IRF2: variants seen among roughly 807,000 people sequenced by gnomAD.
IRF2 encodes interferon regulatory factor 2.
Under a neutral mutation model 40.6 loss-of-function variants are expected in IRF2, and 15 were observed. The observed-to-expected ratio is 0.37, with a 90% CI of 0.25 to 0.57. The LOEUF (loss-of-function observed/expected upper bound fraction) is 0.57. Ranked by LOEUF, IRF2 falls within the 20% of genes least tolerant of loss-of-function variation. The pLI is 0.77. For synonymous variants in IRF2, 151 were observed against 165.5 expected, an observed-to-expected ratio of 0.91 and a Z score of 0.67; for missense variants, 317 against 455.7, an observed-to-expected ratio of 0.70 and a Z score of 2.77.
rs200173412 is a variant in IRF2, at chr4:184,398,958, G to A, written c.651C>T (p.Ser217=). 120 of 1,613,022 alleles carry A rather than the reference G, an allele frequency of 7.4e-5. No homozygotes were observed. In the East Asian group the frequency reaches 2.5e-3, roughly 34 times the overall value. ...GGGAGATCTGCAGAGGGTAGAGCTC[G>A]CTCATGCTGACCGGCTGCTCGTCGC... is the stretch of plus-strand genomic sequence containing the variant. The part of the protein sequence containing the change: ...TESDEQPVSM[S]ELYPLQISPV... Residue 217 remains serine (S), a synonymous_variant, in exon 7 of 9, where the codon AGC becomes AGT. Coordinates refer to ENST00000393593, the MANE Select transcript of IRF2 (RefSeq NM_002199.4).
intron 7 of IRF2, among the ~76,000 whole-genome samples, chr4:184,394,346 G>A (rs907836940): frequency 6.6e-6 from 1 of 152,180 alleles, no homozygotes; most frequent in African/African-American, 2.4e-5. Context: ...TATTGTCTAA[G>A]CAGGAACACT....
At chr4:184,469,292 TATA>T (rs1376287090) in intron 1 of IRF2, among the ~76,000 whole-genome samples, 1 of 152,138 alleles carries the variant, frequency 6.6e-6, no homozygotes, top group Non-Finnish European at 1.5e-5. Flanking sequence ...TACCTTTGGC[TATA>T]ATGAGTTCAG....
chr4:184,422,350 C>A (rs1490591145), intron 2 of IRF2, among the ~76,000 whole-genome samples: 1 of 152,198 alleles, frequency 6.6e-6, no homozygotes, highest in Non-Finnish European at 1.5e-5. Context: ...CAAAATGGTA[C>A]AGCCACTCTG....
Position 184,388,792 on chromosome 4 carries a change from G to A in IRF2, c.1016C>T (p.Ser339Leu), listed in dbSNP as rs2149889215. 1 of 1,613,332 alleles carries A rather than the reference G, an allele frequency of 6.2e-7. No individual in the cohort carries two copies. The highest frequency in any genetic ancestry group is 8.5e-7 in the Non-Finnish European group (1 of 1,180,004). ...ETRASVIKKT[S>L]DITQARVKSC ...CTTGACGCGGGCCTGGGTGATATCC[G>A]ATGTTTTCTTGATGACGCTGGCCCG... Residue 339 changes from serine (S) to leucine (L), a missense_variant, in exon 9 of 9, where the codon TCG (serine) becomes TTG (leucine). This residue lies in a region of IRF2 where 262 missense variants were observed against 334.0 expected (regional missense o/e 0.78). Transcript: ENST00000393593. This position sits in a 1 kb window ranked among gnomAD's most constrained non-coding sequence, Gnocchi z 4.6.
intron 1 of IRF2, among the ~76,000 whole-genome samples, chr4:184,429,418 C>T (rs1201728072): frequency 6.6e-6 from 1 of 152,134 alleles, no homozygotes; most frequent in Non-Finnish European, 1.5e-5. Flanking sequence ...GCTCAGAGGC[C>T]CCAACGCCTT....
At chr4:184,424,702 T>C (rs1048217159) in intron 2 of IRF2, among the ~76,000 whole-genome samples, 1 of 152,212 alleles carries the variant, frequency 6.6e-6, no homozygotes, top group African/African-American at 2.4e-5. Flanking sequence ...TAAATTCCTC[T>C]TCTTTACAAA....
At chr4:184,472,838 A>G (rs1437752031) in intron 1 of IRF2, among the ~76,000 whole-genome samples, 19 of 152,146 alleles carry the variant, frequency 1.2e-4, no homozygotes, top group Admixed American at 1.2e-3. Flanking sequence ...CGGGCGTTTC[A>G]CCTGGTGCCC....
At chr4:184,427,258 A>G (rs896064786) in intron 2 of IRF2, among the ~76,000 whole-genome samples, 2 of 152,276 alleles carry the variant, frequency 1.3e-5, no homozygotes, top group African/African-American at 4.8e-5. Flanking sequence ...GAGATATGGG[A>G]CAGGTCACAG....
intron 2 of IRF2, among the ~76,000 whole-genome samples, chr4:184,423,176 C>T (rs1737543044): frequency 6.6e-6 from 1 of 151,882 alleles, no homozygotes; most frequent in East Asian, 1.9e-4. Flanking sequence ...TGTGTGTAGA[C>T]CCCGTGACGT....
At chr4:184,462,338 C>G (rs769869782) in intron 1 of IRF2, among the ~76,000 whole-genome samples, 25 of 152,164 alleles carry the variant, frequency 1.6e-4, no homozygotes, top group Non-Finnish European at 2.6e-4. Context: ...CGCATTTAAT[C>G]TTGCAGAGAA....
In IRF2 at chr4:184,413,323, G is replaced by A. The variant is rs894632328; in HGVS notation, c.411+4844C>T. ...CCCTCAAGCTCTTCCAACTGGGTTC[G>A]GAGCTCCCGTTCTGAGCTACCACAT... On this transcript the variant is annotated intron_variant, in intron 5 of 8. Transcript: ENST00000393593. This position sits in a 1 kb window ranked among gnomAD's most constrained non-coding sequence, Gnocchi z 4.2. Among the ~76,000 whole-genome samples, 3 of 152,196 alleles carry A rather than the reference G, an allele frequency of 2.0e-5. No individual in the cohort carries two copies. Among genetic ancestry groups the A allele is most frequent in the African/African-American group, 4.8e-5 (2 of 41,444 alleles).
chr4:184,392,450 G>A (rs898941694), intron 7 of IRF2, among the ~76,000 whole-genome samples: 3 of 152,226 alleles, frequency 2.0e-5, no homozygotes, highest in Non-Finnish European at 4.4e-5. Flanking sequence ...CCATGTCAGA[G>A]GCTTTGCATG....
intron 1 of IRF2, among the ~76,000 whole-genome samples, chr4:184,439,267 T>C (rs1579088834): frequency 6.9e-6 from 1 of 144,460 alleles, no homozygotes; most frequent in South Asian, 2.1e-4. Context: ...GTTCTGTTCA[T>C]GCCACTATCC....
chr4:184,419,080 C>T (rs1737385102), intron 3 of IRF2, among the ~76,000 whole-genome samples: 1 of 152,296 alleles, frequency 6.6e-6, no homozygotes, highest in East Asian at 1.9e-4. Context: ...ATCTGACGCT[C>T]CAACAAAGTC....
In IRF2 at chr4:184,426,715, G is replaced by A. The variant is rs561653410; in HGVS notation, c.87+2263C>T. 2.6e-5 allele frequency among the ~76,000 whole-genome samples: 4 copies of A among 152,322 alleles called. No homozygotes were observed. The South Asian group carries it at 8.3e-4, about 32-fold the overall frequency. ...CAGGCACCTGCTCAACAGGAGAGGT[G>A]TGAGACACTGTCTCTTCTCCACTGC... On this transcript the variant is annotated intron_variant, in intron 2 of 8. Coordinates refer to ENST00000393593, the MANE Select transcript of IRF2 (RefSeq NM_002199.4).
At chr4:184,463,468 A>C (rs1739214497) in intron 1 of IRF2, among the ~76,000 whole-genome samples, 1 of 152,252 alleles carries the variant, frequency 6.6e-6, no homozygotes, top group Non-Finnish European at 1.5e-5. Flanking sequence ...AATGGATACA[A>C]AATATCTCAT....
chr4:184,392,420 G>A (rs538841245), intron 7 of IRF2, among the ~76,000 whole-genome samples: 9 of 152,330 alleles, frequency 5.9e-5, no homozygotes, highest in Non-Finnish European at 1.5e-5. Flanking sequence ...CAAACATTTA[G>A]GGAGCCCTAT....
chr4:184,418,544 G>T lies in IRF2; in HGVS notation c.352C>A (p.Pro118Thr). 3 of 1,614,064 alleles carry T rather than the reference G, an allele frequency of 1.9e-6. No individual in the cohort carries two copies. Among genetic ancestry groups the T allele is most frequent in the Non-Finnish European group, 2.5e-6 (3 of 1,179,956 alleles). ...TAAATGCCTTTACCTTTCTTAGAAGGCCGTTCTGATAGGGGCAGCATTCGG... is the reference window on the plus strand; with the variant it reads ...TAAATGCCTTTACCTTTCTTAGAAGTCCGTTCTGATAGGGGCAGCATTCGG... ...VYRMLPLSER[P>T]SKKGKKPKTE... Residue 118 changes from proline (P) to threonine (T), a missense_variant, in exon 4 of 9, where the codon CCT becomes ACT. Pro to Thr is a conservative substitution (Grantham distance 38). Coordinates refer to ENST00000393593, the MANE Select transcript of IRF2 (RefSeq NM_002199.4).
At position 184,408,432 on chromosome 4, in the gene IRF2, T is replaced by C. The variant is rs987040134; in HGVS notation, c.412-157A>G. ...CCCTGCTTCTTTAAACTGGCCTGTT[T>C]TAAAGCACATTTCTGCCCAGGGTGC... On this transcript the variant is annotated intron_variant, in intron 5 of 8. Transcript: ENST00000393593. The surrounding 1 kb of genome is among the most constrained non-coding windows in gnomAD (Gnocchi z 4.9). Among the ~76,000 whole-genome samples the C allele has an allele frequency of 2.6e-5, 4 of 152,232 alleles. No individual in the cohort carries two copies. In the East Asian group the frequency reaches 7.7e-4, roughly 29 times the overall value.
Sources: allele counts gnomAD v4.1 joint callset (sites outside exome capture counted in the v4.1 genomes callset), GRCh38; gene constraint gnomAD v4.1.1; regional missense constraint gnomAD v4.1.1; non-coding constraint Gnocchi (gnomAD v3.1); transcripts MANE v1.5; gene names NCBI Gene and HGNC (gene_info 2026-07-23, HGNC 2026-07-21).